NEK11: variants seen among roughly 807,000 people sequenced by gnomAD.
NEK11 encodes the protein serine/threonine-protein kinase Nek11.
NEK11 carries 72 observed loss-of-function variants against 80.7 expected under a neutral mutation model. The ratio of observed to expected loss-of-function variants is 0.89; its 90% CI spans 0.74 to 1.08. NEK11 has a LOEUF of 1.08. Ranked by LOEUF, NEK11 falls within the 50% of genes least tolerant of loss-of-function variation. NEK11 has a pLI of 0.00. For missense variants in NEK11, 764 were observed against 763.6 expected (o/e 1.00, Z -0.01); for synonymous variants, 251 against 260.7 (o/e 0.96, Z 0.36).
intron 3 of NEK11, among the ~76,000 whole-genome samples, chr3:131,043,638 T>C (rs2066882399): frequency 6.6e-6 from 1 of 152,202 alleles, no homozygotes; most frequent in South Asian, 2.1e-4. Flanking sequence ...CTACATTTGA[T>C]TGGTGTACCT....
At chr3:131,309,133 G>T (rs530842222) in intron 17 of NEK11, among the ~76,000 whole-genome samples, 1 of 152,152 alleles carries the variant, frequency 6.6e-6, no homozygotes, top group Non-Finnish European at 1.5e-5. Context: ...ACCCCTGCTC[G>T]AACGCACTAG....
chr3:131,272,754 G>GCATGAGC (rs2096222301), intron 16 of NEK11, among the ~76,000 whole-genome samples: 1 of 152,070 alleles, frequency 6.6e-6, no homozygotes, highest in South Asian at 2.1e-4. Flanking sequence ...GGGATTACAG[G>GCATGAGC]CATGAGCCAC....
chr3:131,146,165 A>G (rs932702896), intron 7 of NEK11, among the ~76,000 whole-genome samples: 5 of 152,034 alleles, frequency 3.3e-5, no homozygotes, highest in African/African-American at 1.2e-4. Context: ...CCCTAAGCCT[A>G]TGTGGGGTGA....
intron 14 of NEK11, chr3:131,184,780 C>A (rs2093528507): frequency 2.7e-6 from 3 of 1,121,278 alleles, no homozygotes; most frequent in Admixed American, 3.9e-5. Context: ...GAAATAGAAT[C>A]CTCCATGCAT....
At chr3:131,188,153 G>A (rs1311402135) in intron 14 of NEK11, among the ~76,000 whole-genome samples, 1 of 152,118 alleles carries the variant, frequency 6.6e-6, no homozygotes, top group East Asian at 1.9e-4. Flanking sequence ...TTCTTACATA[G>A]CCTGGTACAT....
intron 16 of NEK11, among the ~76,000 whole-genome samples, chr3:131,250,300 A>G (rs1308512493): frequency 6.6e-6 from 1 of 152,052 alleles, no homozygotes; most frequent in Non-Finnish European, 1.5e-5. Flanking sequence ...AAAAATATCT[A>G]GAGAGAATCA....
chr3:131,286,320 T>C (rs908656203), intron 17 of NEK11, among the ~76,000 whole-genome samples: 16 of 152,214 alleles, frequency 1.1e-4, no homozygotes, highest in Admixed American at 2.6e-4. Context: ...ATGTTCATAG[T>C]GCCAAGGCTT....
intron 17 of NEK11, among the ~76,000 whole-genome samples, chr3:131,345,437 AAGGTGCTC>A (rs2097348158): frequency 6.6e-6 from 1 of 152,218 alleles, no homozygotes; most frequent in African/African-American, 2.4e-5. Context: ...CGGATATGAA[AAGGTGCTC>A]AGGGTCACTA....
At chr3:131,077,022 G>T (rs977701635) in intron 3 of NEK11, among the ~76,000 whole-genome samples, 2 of 152,112 alleles carry the variant, frequency 1.3e-5, no homozygotes, top group East Asian at 3.9e-4. Context: ...TTCTGCAAAA[G>T]GTAGGCCAAT....
chr3:131,083,536 G>A (rs2075586345), intron 4 of NEK11, among the ~76,000 whole-genome samples: 1 of 152,192 alleles, frequency 6.6e-6, no homozygotes, highest in South Asian at 2.1e-4. Flanking sequence ...ACTGGCACAG[G>A]GCTGGTGTTA....
chr3:131,213,448 G>A (rs544543657), intron 14 of NEK11, among the ~76,000 whole-genome samples: 1 of 152,194 alleles, frequency 6.6e-6, no homozygotes, highest in Non-Finnish European at 1.5e-5. Flanking sequence ...TGTTCTGTCT[G>A]CCAGCAATTA....
chr3:131,207,912 G>T (rs1354631012), intron 14 of NEK11, among the ~76,000 whole-genome samples: 1 of 152,158 alleles, frequency 6.6e-6, no homozygotes, highest in African/African-American at 2.4e-5. Flanking sequence ...CCATTCTGTA[G>T]GTTGCCTGTT....
chr3:131,159,496 T>A (rs1161242209), intron 10 of NEK11, among the ~76,000 whole-genome samples: 1 of 152,232 alleles, frequency 6.6e-6, no homozygotes, highest in East Asian at 1.9e-4. Flanking sequence ...CCGGGCCCAG[T>A]GGCTCATGCC....
At chr3:131,031,963 AG>A (rs746321072) in intron 3 of NEK11, among the ~76,000 whole-genome samples, 5,738 of 144,638 alleles carry the variant, frequency 0.04, 154 homozygotes, top group South Asian at 0.087. Context: ...TAAATTAATC[AG>A]TTTTTTTTTT....
At chr3:131,135,559 G>A (rs1413635611) in intron 7 of NEK11, among the ~76,000 whole-genome samples, 1 of 152,110 alleles carries the variant, frequency 6.6e-6, no homozygotes, top group South Asian at 2.1e-4. Flanking sequence ...CCTATCAAGA[G>A]AAATCTTGCT....
At chr3:131,284,331 C>T (rs1310235268) in intron 17 of NEK11, among the ~76,000 whole-genome samples, 1 of 152,192 alleles carries the variant, frequency 6.6e-6, no homozygotes, top group Non-Finnish European at 1.5e-5. Flanking sequence ...TGACTTAAGC[C>T]CTTAGGACAT....
chr3:131,036,057 T>C (rs908170308), intron 3 of NEK11, among the ~76,000 whole-genome samples: 2 of 152,234 alleles, frequency 1.3e-5, no homozygotes, highest in Non-Finnish European at 2.9e-5. Context: ...ATCCAACCTG[T>C]GGTCTTTTCT....
At chr3:131,115,174 AT>A in intron 5 of NEK11, among the ~76,000 whole-genome samples, 1 of 152,260 alleles carries the variant, frequency 6.6e-6, no homozygotes, top group Middle Eastern at 3.4e-3. Context: ...GGAAGGAGGA[AT>A]TTGCCCCCTT....
intron 7 of NEK11, among the ~76,000 whole-genome samples, chr3:131,144,505 G>T (rs1033440447): frequency 1.3e-5 from 2 of 152,072 alleles, no homozygotes; most frequent in African/African-American, 2.4e-5. Flanking sequence ...GGAAATGTCT[G>T]GTTGGAAACT....
Sources: gnomAD v4.1 joint callset for allele counts (sites outside exome capture counted in the v4.1 genomes callset) on GRCh38, gnomAD v4.1.1 for gene constraint, MANE v1.5 for transcripts, NCBI Gene and HGNC (gene_info 2026-07-23, HGNC 2026-07-21) for gene names.